VPS13C: variants seen among roughly 807,000 people sequenced by gnomAD.
VPS13C encodes the protein vacuolar protein sorting 13 homolog C.
In VPS13C, 358 loss-of-function variants were observed where a neutral mutation model predicts 456.8. That is an observed-to-expected ratio of 0.78 (90% CI 0.72 to 0.86). The LOEUF (loss-of-function observed/expected upper bound fraction) is 0.86. VPS13C is among the 40% of genes least tolerant of loss of function. The pLI, the probability that VPS13C is intolerant of heterozygous loss-of-function variation, is 0.00. For synonymous variants in VPS13C, 1,578 were observed against 1,486.7 expected, an observed-to-expected ratio of 1.06 and a Z score of -1.41; for missense variants, 4,818 against 4,385.4, an observed-to-expected ratio of 1.10 and a Z score of -2.79.
intron 13 of VPS13C, among the ~76,000 whole-genome samples, chr15:62,010,087 G>A (rs775907796): frequency 1.6e-4 from 24 of 152,022 alleles, no homozygotes; most frequent in Non-Finnish European, 3.1e-4. Flanking sequence ...CTACTCTAAA[G>A]GCTGAGGTAG....
chr15:62,002,558 C>T (rs1348774944), intron 15 of VPS13C, among the ~76,000 whole-genome samples: 2 of 152,044 alleles, frequency 1.3e-5, no homozygotes, highest in African/African-American at 2.4e-5. Context: ...CTTTTGTTGC[C>T]ATTGCTTTTG....
At position 61,933,952 on chromosome 15, in the gene VPS13C, T is replaced by C. The variant is rs568751974; in HGVS notation, c.5868+267A>G. Among the ~76,000 whole-genome samples, 4 of 152,122 alleles carry C rather than the reference T, an allele frequency of 2.6e-5. No individual in the cohort carries two copies. The East Asian group carries it at 5.8e-4, about 22-fold the overall frequency. Reference sequence around the variant, plus strand: ...ATCACTCATATATAAAATTCTTCTGTTGGTAATAAATCAAAATGTGTTTTG... The same window carrying C: ...ATCACTCATATATAAAATTCTTCTGCTGGTAATAAATCAAAATGTGTTTTG... On this transcript the variant is annotated intron_variant, in intron 49 of 84. Coordinates refer to ENST00000644861, the MANE Select transcript of VPS13C (RefSeq NM_020821.3).
intron 20 of VPS13C, among the ~76,000 whole-genome samples, chr15:61,983,417 A>T (rs752822932): frequency 2.0e-5 from 3 of 152,214 alleles, no homozygotes; most frequent in Non-Finnish European, 2.9e-5. Flanking sequence ...TCCCTTGTGA[A>T]CAATATTTAA....
In VPS13C at chr15:61,876,913, G is replaced by T. The variant is rs76497113; in HGVS notation, c.10224+60C>A. ...ATTACTGCACACTATACAGTCACAT[G>T]CAAATGTTTTGATATTTTATGAAGT... is the stretch of plus-strand genomic sequence containing the variant. On this transcript the variant is annotated intron_variant, in intron 75 of 84. Transcript: ENST00000644861. 3,266 of 1,308,236 alleles carry T rather than the reference G, an allele frequency of 2.5e-3. 71 individuals are homozygous for T. The African/African-American group carries it at 0.043, about 17-fold the overall frequency. 81.0% of individuals were successfully genotyped at this position (1,308,236 alleles called of 1,614,324 possible). A position where few individuals can be genotyped will look rare whatever the true frequency, so the allele number is the denominator to read the frequency against.
chr15:61,902,538 G>A (rs544554099), intron 66 of VPS13C, among the ~76,000 whole-genome samples: 1 of 149,292 alleles, frequency 6.7e-6, no homozygotes, highest in Admixed American at 6.6e-5. Flanking sequence ...ATGCAAGGAT[G>A]GTTCAACATA....
At position 62,037,993 on chromosome 15, in the gene VPS13C, G is replaced by A. The variant is rs143095986; in HGVS notation, c.188-2941C>T. 5.9e-5 allele frequency among the ~76,000 whole-genome samples: 9 copies of A among 152,234 alleles called. No individual in the cohort carries two copies. In the East Asian group the frequency reaches 1.7e-3, roughly 29 times the overall value. ...AATTGCTAAGAGATGCTAGAGTAGTGAAAGACAAAGCCTTCCTATAATACA... is the reference window on the plus strand; with the variant it reads ...AATTGCTAAGAGATGCTAGAGTAGTAAAAGACAAAGCCTTCCTATAATACA... On this transcript the variant is annotated intron_variant, in intron 3 of 84. Transcript: ENST00000644861.
At chr15:62,013,857 T>A in intron 10 of VPS13C, 76 bp downstream of exon 10, 1 of 1,117,604 alleles carries the variant, frequency 8.9e-7, no homozygotes, top group Non-Finnish European at 1.3e-6. Flanking sequence ...CATATTCTGC[T>A]CCATCAATGT....
chr15:61,881,921 C>T, intron 69 of VPS13C, 93 bp from the exon 70 acceptor site: 1 of 1,121,584 alleles, frequency 8.9e-7, no homozygotes. Context: ...CCACTTTCAT[C>T]ATAATTAAGT....
intron 15 of VPS13C, among the ~76,000 whole-genome samples, chr15:62,002,928 G>C (rs554113569): frequency 1.0e-3 from 153 of 152,188 alleles, no homozygotes; most frequent in African/African-American, 3.4e-3. Flanking sequence ...TGTAGCCTTG[G>C]AGTATAGTTT....
At chr15:62,002,041 A>G (rs866881188) in intron 15 of VPS13C, among the ~76,000 whole-genome samples, 6 of 152,274 alleles carry the variant, frequency 3.9e-5, no homozygotes, top group East Asian at 1.9e-4. Flanking sequence ...CCCAGTAATG[A>G]GATGGCTGGG....
intron 82 of VPS13C, among the ~76,000 whole-genome samples, chr15:61,863,112 T>A (rs932457256): frequency 6.6e-6 from 1 of 152,088 alleles, no homozygotes; most frequent in Non-Finnish European, 1.5e-5. Flanking sequence ...TAATCCTCCA[T>A]AACTGGACTT....
At position 61,880,682 on chromosome 15, in the gene VPS13C, T is replaced by C. The variant is rs1895778210; in HGVS notation, c.9929A>G (p.Glu3310Gly). The change falls in exon 73 of 85, where the codon GAA becomes GGA. Residue 3310 changes from glutamate (E) to glycine (G), a missense_variant. Glu to Gly is a moderately conservative substitution (Grantham distance 98, BLOSUM62 -2). Around this residue, in one of 3 missense-constraint regions of VPS13C, gnomAD observed 4,552 missense variants for 4,130.6 expected, o/e 1.10. Transcript: ENST00000644861. ...ATCAGTCATTGAAGTCTCCATTAAT[T>C]CTGCATTTAGAGCATCAATATCTTG... ...IQQDIDALNA[E>G]LMETSMTDMS... is the part of the protein sequence containing the mutation. The C allele has an allele frequency of 6.3e-7, 1 of 1,599,742 alleles. No individual in the cohort carries two copies. Among genetic ancestry groups the C allele is most frequent in the South Asian group, 1.2e-5 (1 of 86,676 alleles).
At chr15:62,048,054 GTTTTTGGT>G (rs1015558315) in intron 1 of VPS13C, among the ~76,000 whole-genome samples, 1 of 142,080 alleles carries the variant, frequency 7.0e-6, no homozygotes, top group African/African-American at 2.7e-5. Flanking sequence ...GTAAATATTT[GTTTTTGGT>G]TTTTTGGTTT....
rs146248560 is a variant in VPS13C, at chr15:61,930,980, C to A, written c.6038+110G>T. The A allele has an allele frequency of 1.5e-5, 20 of 1,299,862 alleles. No individual in the cohort carries two copies. The African/African-American group carries it at 2.8e-4, about 18-fold the overall frequency. The allele number at this position is 1,299,862 out of a possible 1,614,324, so 80.5% of individuals were successfully genotyped here. ...ATGCAATTCAAATCAGGAAGTATGACCAAAAGACAGAGATCTTTTTTGGAT... is the reference window on the plus strand; with the variant it reads ...ATGCAATTCAAATCAGGAAGTATGAACAAAAGACAGAGATCTTTTTTGGAT... On this transcript the variant is annotated intron_variant, in intron 50 of 84. Coordinates refer to ENST00000644861, the MANE Select transcript of VPS13C (RefSeq NM_020821.3).
In VPS13C at chr15:61,931,078, G is replaced by A. The variant is rs2044038630; in HGVS notation, c.6038+12C>T. ...CCTTAAATAATGTATTGCAAACTCA[G>A]AGCTGACAAACCTCGATGTTGCTCT... On this transcript the variant is annotated intron_variant, in intron 50 of 84. Transcript: ENST00000644861. The A allele has an allele frequency of 6.2e-7, 1 of 1,613,660 alleles. No individual in the cohort carries two copies. Among genetic ancestry groups the A allele is most frequent in the Non-Finnish European group, 8.5e-7 (1 of 1,180,008 alleles).
At chr15:62,058,569 G>A (rs1475772762) in intron 1 of VPS13C, among the ~76,000 whole-genome samples, 1 of 152,172 alleles carries the variant, frequency 6.6e-6, no homozygotes, top group African/African-American at 2.4e-5. Context: ...ATCCAGAGAT[G>A]ACCAAAAGTA....
At position 61,882,676 on chromosome 15, in the gene VPS13C, C is replaced by A. The variant is rs1389155978; in HGVS notation, c.9544G>T (p.Asp3182Tyr). Reference sequence around the variant, plus strand: ...TCAATCTGAATTCCTGATAAAAAGTCTCGTTTAATAGGGCTACGAATAGGG... The same window carrying A: ...TCAATCTGAATTCCTGATAAAAAGTATCGTTTAATAGGGCTACGAATAGGG... ...RLPIRSPIKR[D>Y]FLSGIQIEFK... Residue 3182 changes from aspartate to tyrosine, a missense_variant, in exon 69 of 85, where the codon GAC becomes TAC. Around this residue, in one of 3 missense-constraint regions of VPS13C, gnomAD observed 4,552 missense variants for 4,130.6 expected, o/e 1.10. Coordinates refer to ENST00000644861, the MANE Select transcript of VPS13C (RefSeq NM_020821.3). 4 of 1,599,696 alleles carry A rather than the reference C, an allele frequency of 2.5e-6. No individual in the cohort carries two copies. The highest frequency in any genetic ancestry group is 3.4e-6 in the Non-Finnish European group (4 of 1,173,474).
intron 9 of VPS13C, among the ~76,000 whole-genome samples, chr15:62,017,200 A>T (rs1255705999): frequency 6.6e-6 from 1 of 151,730 alleles, no homozygotes; most frequent in Non-Finnish European, 1.5e-5. Context: ...TTGTCAGATG[A>T]GTAGGTTGCA....
chr15:62,054,622 G>A (rs966692233), intron 1 of VPS13C, among the ~76,000 whole-genome samples: 4 of 151,824 alleles, frequency 2.6e-5, no homozygotes, highest in African/African-American at 9.7e-5. Context: ...CATAATGCAG[G>A]GCTTAAAACC....
Sources: allele counts gnomAD v4.1 joint callset (sites outside exome capture counted in the v4.1 genomes callset), GRCh38; gene constraint gnomAD v4.1.1; regional missense constraint gnomAD v4.1.1; transcripts MANE v1.5; gene names NCBI Gene and HGNC (gene_info 2026-07-23, HGNC 2026-07-21).